The following NEO1 variants were observed in gnomAD, a reference collection of about 807,000 sequenced individuals.
NEO1 encodes the protein neogenin 1, also known as neogenin.
Under a neutral mutation model 159.7 loss-of-function variants are expected in NEO1, and 63 were observed. The observed-to-expected ratio is 0.39, with a 90% CI of 0.32 to 0.49. NEO1 has a LOEUF of 0.49. NEO1 is among the 20% of genes least tolerant of loss of function. NEO1 has a pLI of 0.85. For missense variants in NEO1, 1,615 were observed against 1,831.0 expected, an observed-to-expected ratio of 0.88 and a Z score of 2.15; for synonymous variants, 633 against 662.0, an observed-to-expected ratio of 0.96 and a Z score of 0.67.
chr15:73,065,300 A>ATT (rs1018218451), intron 1 of NEO1, among the ~76,000 whole-genome samples: 2 of 139,588 alleles, frequency 1.4e-5, no homozygotes. Context: ...GTTGCTCTTC[A>ATT]TTTTTTTTTT....
intron 2 of NEO1, among the ~76,000 whole-genome samples, chr15:73,118,795 A>C (rs968328061): frequency 5.9e-5 from 9 of 152,200 alleles, no homozygotes; most frequent in African/African-American, 2.2e-4. Context: ...ATTAAATAAA[A>C]GTTCTTTTAA....
intron 22 of NEO1, among the ~76,000 whole-genome samples, chr15:73,279,566 C>T (rs1324933661): frequency 6.6e-6 from 1 of 152,026 alleles, no homozygotes; most frequent in Non-Finnish European, 1.5e-5. Flanking sequence ...CCAGACTAGT[C>T]TTGATCTCCT....
At chr15:73,064,555 C>T (rs1423699652) in intron 1 of NEO1, among the ~76,000 whole-genome samples, 4 of 152,188 alleles carry the variant, frequency 2.6e-5, no homozygotes, top group African/African-American at 4.8e-5. Flanking sequence ...ATCTCTGCCT[C>T]TTGGGCTCAA....
At chr15:73,095,493 A>G (rs2069966499) in intron 1 of NEO1, among the ~76,000 whole-genome samples, 1 of 152,032 alleles carries the variant, frequency 6.6e-6, no homozygotes, top group South Asian at 2.1e-4. Context: ...ATAATCTATC[A>G]TTTTTTCATT....
rs768739690 is a variant in NEO1 at position 73,244,393 on chromosome 15, C to G, written c.1501C>G (p.Gln501Glu). 1.9e-6 allele frequency: 3 copies of G among 1,613,918 alleles called. No homozygotes were observed. In the Admixed American group the frequency reaches 5.0e-5, roughly 27 times the overall value. Residue 501 changes from glutamine to glutamate, a missense_variant, in exon 9 of 29, where the codon CAA becomes GAA. By Grantham distance (29) the Gln-to-Glu change is conservative. Around this residue, in one of 3 missense-constraint regions of NEO1, gnomAD observed 1,018 missense variants for 1,115.4 expected, o/e 0.91. Coordinates refer to ENST00000261908, the MANE Select transcript of NEO1 (RefSeq NM_002499.4). The part of the protein sequence containing the change: ...SHPGEMQVTI[Q>E]NLMPATVYIF... ...CCCAGGAGAGATGCAAGTAACCATT[C>G]AAAACCTAATGCCAGCGACCGTGTA...
At chr15:73,098,951 C>T (rs988949200) in intron 1 of NEO1, among the ~76,000 whole-genome samples, 1 of 152,128 alleles carries the variant, frequency 6.6e-6, no homozygotes, top group Admixed American at 6.5e-5. Flanking sequence ...GCAATTGTAT[C>T]TCACTGTAGT....
At chr15:73,261,785 G>A (rs752079231) in intron 15 of NEO1, among the ~76,000 whole-genome samples, 10 of 152,142 alleles carry the variant, frequency 6.6e-5, no homozygotes, top group Admixed American at 1.3e-4. Context: ...AAATTGATAA[G>A]CTGATTCTAA....
intron 5 of NEO1, among the ~76,000 whole-genome samples, chr15:73,137,153 T>C (rs1377272229): frequency 6.6e-6 from 1 of 152,154 alleles, no homozygotes; most frequent in Non-Finnish European, 1.5e-5. Context: ...TTGATGCACG[T>C]TAGTTTATAG....
intron 1 of NEO1, among the ~76,000 whole-genome samples, chr15:73,085,997 T>C (rs1285539785): frequency 6.6e-6 from 1 of 152,232 alleles, no homozygotes; most frequent in Non-Finnish European, 1.5e-5. Context: ...TTTAGTGTTA[T>C]GTCTAAGAAC....
intron 8 of NEO1, 142 bp from the exon 9 acceptor site, chr15:73,244,202 C>T (rs1459357831): frequency 1.2e-6 from 1 of 834,084 alleles, no homozygotes; most frequent in Non-Finnish European, 1.8e-6. Flanking sequence ...CTTCTTTGCA[C>T]TGTCCTACCC....
intron 7 of NEO1, among the ~76,000 whole-genome samples, chr15:73,212,443 T>G (rs962362607): frequency 5.9e-5 from 9 of 152,206 alleles, no homozygotes; most frequent in African/African-American, 9.7e-5. Context: ...CCAAAATATC[T>G]CTCAGTTTTA....
chr15:73,183,426 G>A (rs537335575), intron 7 of NEO1, among the ~76,000 whole-genome samples: 1 of 152,184 alleles, frequency 6.6e-6, no homozygotes, highest in African/African-American at 2.4e-5. Context: ...TGATGCCGGG[G>A]AAAGGGTAGA....
Position 73,272,465 on chromosome 15 carries a change from T to C in NEO1, c.2868T>C (p.Ser956=), listed in dbSNP as rs773827888. 6.2e-7 allele frequency: 1 copy of C among 1,613,016 alleles called. No homozygotes were observed. The highest frequency in any genetic ancestry group is 8.5e-7 in the Non-Finnish European group (1 of 1,179,206). ...TTTGTTATTTTGTAGTTCCGACTTC[T>C]CCACCCAAGGATGTGACTGTTGTGA... is the stretch of plus-strand genomic sequence containing the variant. The part of the protein sequence containing the change: ...HGTTFELVPT[S]PPKDVTVVSK... Residue 956 remains serine, a synonymous_variant, in exon 19 of 29, where the codon TCT becomes TCC. Transcript: ENST00000261908.
intron 14 of NEO1, 144 bp from the exon 15 acceptor site, chr15:73,260,127 C>A: frequency 1.6e-5 from 8 of 493,370 alleles, no homozygotes; most frequent in Non-Finnish European, 2.1e-5. Flanking sequence ...ACTATACATA[C>A]AGATTCTTTT....
intron 7 of NEO1, among the ~76,000 whole-genome samples, chr15:73,228,766 A>T (rs1439934783): frequency 6.6e-6 from 1 of 152,128 alleles, no homozygotes; most frequent in African/African-American, 2.4e-5. Context: ...TAATTTTTAT[A>T]TATGATGTGA....
chr15:73,215,340 C>T (rs1049855813), intron 7 of NEO1, among the ~76,000 whole-genome samples: 17 of 152,084 alleles, frequency 1.1e-4, no homozygotes, highest in African/African-American at 4.1e-4. Flanking sequence ...TGAGAGTGGG[C>T]ATTCTTGTCG....
intron 27 of NEO1, among the ~76,000 whole-genome samples, chr15:73,300,739 A>G (rs542831141): frequency 3.2e-4 from 49 of 152,378 alleles, no homozygotes; most frequent in African/African-American, 1.2e-3. Context: ...TCAAAAAAAA[A>G]GACAGCTGTC....
At chr15:73,186,437 T>G (rs1171744220) in intron 7 of NEO1, among the ~76,000 whole-genome samples, 2 of 152,166 alleles carry the variant, frequency 1.3e-5, no homozygotes, top group Non-Finnish European at 2.9e-5. Context: ...GAGAATTTGT[T>G]GCTGACATAC....
chr15:73,157,494 A>G (rs1214217636), intron 5 of NEO1, among the ~76,000 whole-genome samples: 1 of 152,192 alleles, frequency 6.6e-6, no homozygotes, highest in African/African-American at 2.4e-5. Context: ...GTGCTCTCCT[A>G]CAGCCTGGAT....
Sources: allele counts gnomAD v4.1 joint callset (sites outside exome capture counted in the v4.1 genomes callset), GRCh38; gene constraint gnomAD v4.1.1; regional missense constraint gnomAD v4.1.1; transcripts MANE v1.5; gene names NCBI Gene and HGNC (gene_info 2026-07-23, HGNC 2026-07-21).